SKOR2: variants seen among roughly 807,000 people sequenced by gnomAD.
The protein encoded by SKOR2 is LBX1 corepressor 1-like protein.
SKOR2 carries 47 observed loss-of-function variants against 69.1 expected under a neutral mutation model. The observed-to-expected ratio is 0.68, with a 90% CI of 0.54 to 0.87. SKOR2 has a LOEUF of 0.87. SKOR2 is among the 40% of genes least tolerant of loss of function. SKOR2 has a pLI of 0.00. For synonymous variants in SKOR2, 717 were observed against 672.6 expected (o/e 1.07, Z -1.02); for missense variants, 1,404 against 1,472.2 (o/e 0.95, Z 0.76).
At chr18:47,241,544 A>G (rs1212202125) in intron 4 of SKOR2, among the ~76,000 whole-genome samples, 3 of 152,166 alleles carry the variant, frequency 2.0e-5, no homozygotes, top group Non-Finnish European at 2.9e-5. Flanking sequence ...CGGTGCACCA[A>G]GTTAAGTCCC....
intron 8 of SKOR2, among the ~76,000 whole-genome samples, chr18:47,211,302 C>T (rs913253135): frequency 2.3e-4 from 35 of 152,268 alleles, no homozygotes; most frequent in African/African-American, 6.0e-4. Context: ...CTACCTTTTG[C>T]GTCTGTGGTT....
chr18:47,226,398 A>T (rs1434736270), intron 6 of SKOR2, among the ~76,000 whole-genome samples: 5 of 152,182 alleles, frequency 3.3e-5, no homozygotes, highest in Non-Finnish European at 5.9e-5. Context: ...CATGATTTTC[A>T]TTGCAAAACA....
intron 6 of SKOR2, among the ~76,000 whole-genome samples, chr18:47,222,785 G>A (rs1402682921): frequency 6.6e-6 from 1 of 152,230 alleles, no homozygotes; most frequent in Non-Finnish European, 1.5e-5. Flanking sequence ...GATCACAGAA[G>A]ATTCTAATTT....
At position 47,212,058 on chromosome 18, in the gene SKOR2, G is replaced by GAA; in HGVS notation, c.*3+26_*3+27dup. The GAA allele has an allele frequency of 3.2e-6, 4 of 1,231,464 alleles. No individual in the cohort carries two copies. The African/African-American group carries it at 4.7e-5, about 14-fold the overall frequency. 76.3% of individuals were successfully genotyped at this position (1,231,464 alleles called of 1,614,324 possible). On this transcript the variant is annotated intron_variant, in intron 8 of 8. Coordinates refer to ENST00000425639, the MANE Select transcript of SKOR2 (RefSeq NM_001278063.4). Reference sequence around the variant, plus strand: ...AGCACACAACAATACAGAGAGTTAAGAAAATCTCTTTCCTCTGGTGATCTT... The same window carrying GAA: ...AGCACACAACAATACAGAGAGTTAAGAAAAAATCTCTTTCCTCTGGTGATCTT...
At chr18:47,232,688 A>C (rs1002158761) in intron 4 of SKOR2, among the ~76,000 whole-genome samples, 3 of 152,232 alleles carry the variant, frequency 2.0e-5, no homozygotes, top group Non-Finnish European at 4.4e-5. Context: ...GCCAGTGCCT[A>C]GCACAGCGCT....
At chr18:47,240,738 G>A (rs1333332378) in intron 4 of SKOR2, among the ~76,000 whole-genome samples, 1 of 152,112 alleles carries the variant, frequency 6.6e-6, no homozygotes, top group East Asian at 1.9e-4. Context: ...AAGTATTGTT[G>A]CTAAACTGAA....
At chr18:47,216,237 G>A (rs1272302289) in intron 7 of SKOR2, among the ~76,000 whole-genome samples, 1 of 152,068 alleles carries the variant, frequency 6.6e-6, no homozygotes, top group Non-Finnish European at 1.5e-5. Flanking sequence ...AAAAACTTTT[G>A]TATTGGTTCA....
intron 4 of SKOR2, among the ~76,000 whole-genome samples, chr18:47,241,213 A>C (rs930188629): frequency 2.6e-5 from 4 of 152,222 alleles, no homozygotes; most frequent in Admixed American, 2.0e-4. Flanking sequence ...TGGAGTAAAT[A>C]AGTAAATAAA....
At chr18:47,230,366 C>T in intron 6 of SKOR2, 93 bp downstream of exon 6, 1 of 796,044 alleles carries the variant, frequency 1.3e-6, no homozygotes, top group East Asian at 3.2e-5. Context: ...GTGTTTTGCA[C>T]AATCGCTTAA....
intron 7 of SKOR2, 86 bp from the exon 8 acceptor site, chr18:47,212,237 A>G (rs980994619): frequency 1.4e-5 from 16 of 1,153,216 alleles, no homozygotes; most frequent in Admixed American, 8.5e-5. Flanking sequence ...ATGCCTAACA[A>G]TTTGAATGCC....
chr18:47,209,934 A>T (rs11873812), intron 8 of SKOR2, among the ~76,000 whole-genome samples: 1 of 152,096 alleles, frequency 6.6e-6, no homozygotes, highest in East Asian at 1.9e-4. Flanking sequence ...TTTACAAAAT[A>T]AAAAAAATTT....
chr18:47,247,652 A>C lies in SKOR2; in HGVS notation c.1532T>G (p.Leu511Arg). 1.5e-6 allele frequency: 2 copies of C among 1,363,428 alleles called. No homozygotes were observed. The highest frequency in any genetic ancestry group is 9.4e-7 in the Non-Finnish European group (1 of 1,061,742). 84.5% of individuals were successfully genotyped at this position (1,363,428 alleles called of 1,614,324 possible). A position where few individuals can be genotyped will look rare whatever the true frequency, so the allele number is the denominator to read the frequency against. ...ESPALLRQAF[L>R]DLAEPGGAAG... Reference sequence around the variant, plus strand: ...AGCACCGCCTGGCTCAGCCAGGTCCAGGAAGGCCTGGCGCAGCAGGGCCGG... The same window carrying C: ...AGCACCGCCTGGCTCAGCCAGGTCCCGGAAGGCCTGGCGCAGCAGGGCCGG... Residue 511 changes from leucine to arginine, a missense_variant, in exon 2 of 9, where the codon CTG (leucine) becomes CGG (arginine). Leu to Arg is a moderately radical substitution (Grantham distance 102). Transcript: ENST00000425639. This position sits in a 1 kb window ranked among gnomAD's most constrained non-coding sequence, Gnocchi z 6.6.
Position 47,248,716 on chromosome 18 carries a change from G to A in SKOR2, c.468C>T (p.Arg156=). Residue 156 remains arginine, a synonymous_variant, in exon 2 of 9, where the codon CGC becomes CGT. Transcript: ENST00000425639. This position sits in a 1 kb window ranked among gnomAD's most constrained non-coding sequence, Gnocchi z 6.4. ...DVSHECAWGC[R]GSFIPARYNS... is the part of the protein sequence containing the mutation. ...TGTAGCGCGCGGGAATGAAGCTGCC[G>A]CGGCAGCCCCAGGCGCACTCGTGTG... 3 of 1,557,818 alleles carry A rather than the reference G, an allele frequency of 1.9e-6. No homozygotes were observed. Among genetic ancestry groups the A allele is most frequent in the Non-Finnish European group, 2.6e-6 (3 of 1,157,994 alleles).
At position 47,206,578 on chromosome 18, in the gene SKOR2, T is replaced by C. The variant is rs1209204002; in HGVS notation, c.*318A>G. ...CCGCTGATTTCCCATCCCAACTGGC[T>C]AACAGCACTTCCCATGCTCTGGGTT... is the stretch of plus-strand genomic sequence containing the variant. On this transcript the variant is annotated 3_prime_UTR_variant, in exon 9 of 9. Transcript: ENST00000425639. The C allele has an allele frequency of 6.6e-6, 1 of 152,322 alleles. No homozygotes were observed. The highest frequency in any genetic ancestry group is 2.4e-5 in the African/African-American group (1 of 41,464). The allele number at this position is 152,322 out of a possible 1,614,324, so 9.4% of individuals were successfully genotyped here. A position where few individuals can be genotyped will look rare whatever the true frequency, so the allele number is the denominator to read the frequency against.
intron 7 of SKOR2, among the ~76,000 whole-genome samples, chr18:47,216,497 A>T (rs1434527): frequency 1.3e-5 from 2 of 152,062 alleles, no homozygotes; most frequent in African/African-American, 4.8e-5. Flanking sequence ...AGACACAAAG[A>T]GAGTCAATCA....
intron 4 of SKOR2, among the ~76,000 whole-genome samples, chr18:47,235,870 C>CA (rs1248099106): frequency 6.6e-6 from 1 of 151,324 alleles, no homozygotes; most frequent in Non-Finnish European, 1.5e-5. Flanking sequence ...AATATCATGG[C>CA]AAGCCTCTGC....
At chr18:47,245,076 A>C in intron 3 of SKOR2, 94 bp from the exon 4 acceptor site, 1 of 955,092 alleles carries the variant, frequency 1.0e-6, no homozygotes, top group Admixed American at 2.5e-5. Flanking sequence ...GGAGGATGCT[A>C]CTTATTATAT....
At chr18:47,209,098 G>T (rs2064120683) in intron 8 of SKOR2, among the ~76,000 whole-genome samples, 1 of 152,000 alleles carries the variant, frequency 6.6e-6, no homozygotes, top group African/African-American at 2.4e-5. Context: ...ATCTTGGCCT[G>T]CATGGATCTT....
chr18:47,209,151 C>CA (rs112177949), intron 8 of SKOR2, among the ~76,000 whole-genome samples: 3,322 of 146,432 alleles, frequency 0.023, 48 homozygotes, highest in African/African-American at 0.04. Flanking sequence ...TAATGTAGGA[C>CA]AAAAAAAAAA....
Sources: gnomAD v4.1 joint callset for allele counts (sites outside exome capture counted in the v4.1 genomes callset) on GRCh38, gnomAD v4.1.1 for gene constraint, Gnocchi (gnomAD v3.1) non-coding constraint, MANE v1.5 for transcripts, NCBI Gene and HGNC (gene_info 2026-07-23, HGNC 2026-07-21) for gene names.